PTCD3: variants seen among roughly 807,000 people sequenced by gnomAD.
PTCD3 encodes pentatricopeptide repeat domain 3.
PTCD3 carries 89 observed loss-of-function variants against 101.9 expected under a neutral mutation model. The ratio of observed to expected loss-of-function variants is 0.87; its 90% CI spans 0.74 to 1.04. PTCD3 has a LOEUF of 1.04. Ranked by LOEUF, PTCD3 falls within the 50% of genes least tolerant of loss-of-function variation. The pLI, the probability that PTCD3 is intolerant of heterozygous loss-of-function variation, is 0.00. For synonymous variants in PTCD3, 296 were observed against 278.5 expected (o/e 1.06, Z -0.63); for missense variants, 870 against 828.2 (o/e 1.05, Z -0.62).
At chr2:86,119,239 A>C (rs1674237304) in intron 7 of PTCD3, 195 bp downstream of exon 7, 1 of 676,914 alleles carries the variant, frequency 1.5e-6, no homozygotes. Context: ...GGCGAAGTAG[A>C]ATTGCAGCTT....
chr2:86,121,052 G>A (rs1277190502), intron 7 of PTCD3, among the ~76,000 whole-genome samples: 1 of 152,178 alleles, frequency 6.6e-6, no homozygotes, highest in African/African-American at 2.4e-5. Context: ...AATTATGCTA[G>A]TATTTCTAGG....
Position 86,116,690 on chromosome 2 carries a change from G to A in PTCD3, c.309+92G>A, listed in dbSNP as rs1470410878. Reference sequence around the variant, plus strand: ...ATTTAGTTGTAATAACCTGGGAAAGGTTTACAAATGCTGAGAAATTGATAG... The same window carrying A: ...ATTTAGTTGTAATAACCTGGGAAAGATTTACAAATGCTGAGAAATTGATAG... On this transcript the variant is annotated intron_variant, in intron 5 of 23. Transcript: ENST00000254630. The A allele has an allele frequency of 3.2e-6, 3 of 945,312 alleles. No homozygotes were observed. The East Asian group carries it at 7.3e-5, about 23-fold the overall frequency. 58.6% of individuals were successfully genotyped at this position (945,312 alleles called of 1,614,324 possible).
intron 1 of PTCD3, 50 bp downstream of exon 1, chr2:86,106,401 T>G (rs1315023580): frequency 1.3e-6 from 2 of 1,556,432 alleles, no homozygotes; most frequent in South Asian, 2.3e-5. Flanking sequence ...GTCACCTTAG[T>G]CCTATGTTTC....
intron 16 of PTCD3, among the ~76,000 whole-genome samples, chr2:86,131,310 C>T (rs745361453): frequency 1.9e-4 from 29 of 151,950 alleles, no homozygotes; most frequent in South Asian, 1.0e-3. Context: ...AGTGGCTCAC[C>T]GCAACCTCTG....
At chr2:86,125,915 G>A (rs1178633740) in intron 12 of PTCD3, 35 bp downstream of exon 12, 15 of 1,407,850 alleles carry the variant, frequency 1.1e-5, no homozygotes, top group African/African-American at 2.8e-5. Context: ...TTTTAATAGG[G>A]CTTAAATACT....
chr2:86,110,274 CGT>C (rs1421471505), intron 3 of PTCD3, among the ~76,000 whole-genome samples: 1 of 152,140 alleles, frequency 6.6e-6, no homozygotes, highest in Non-Finnish European at 1.5e-5. Context: ...GACTTCTAAA[CGT>C]GGATAGAAAA....
At chr2:86,131,195 C>A in intron 16 of PTCD3, 89 bp downstream of exon 16, 1 of 972,934 alleles carries the variant, frequency 1.0e-6, no homozygotes, top group Non-Finnish European at 1.5e-6. Flanking sequence ...CACTTTCTAA[C>A]TCTTCTGTTC....
chr2:86,124,854 C>T (rs887567020), intron 9 of PTCD3, 141 bp from the exon 10 acceptor site: 4 of 1,238,076 alleles, frequency 3.2e-6, no homozygotes, highest in Non-Finnish European at 4.3e-6. Context: ...TGATAATAAC[C>T]ATAATACCCT....
intron 7 of PTCD3, chr2:86,119,246 G>A (rs760405900): frequency 4.6e-6 from 3 of 654,122 alleles, no homozygotes; most frequent in Non-Finnish European, 7.3e-6. Context: ...TAGAATTGCA[G>A]CTTTGTTGGT....
rs895519438 is a variant in PTCD3, at chr2:86,130,943, C to G, written c.1238-135C>G. 8 of 1,396,996 alleles carry G rather than the reference C, an allele frequency of 5.7e-6. No homozygotes were observed. In the East Asian group the frequency reaches 1.3e-4, roughly 22 times the overall value. The allele number at this position is 1,396,996 out of a possible 1,614,324, so 86.5% of individuals were successfully genotyped here. On this transcript the variant is annotated intron_variant, in intron 15 of 23. Transcript: ENST00000254630. Reference sequence around the variant, plus strand: ...AGCCAAAATTGTGGTACATTCCTGCCTCTCTTAAGTTTTTATGTTCTTAGC... The same window carrying G: ...AGCCAAAATTGTGGTACATTCCTGCGTCTCTTAAGTTTTTATGTTCTTAGC...
rs1392661329 is a variant in PTCD3, at chr2:86,137,908, CCTG to C, written c.*356_*358del. ...TGCTGTCCTCGTGCGATTGCCCTCTCCTGCTGCTGGACTTCTGCCTTTGTTGGC... is the reference window on the plus strand; with the variant it reads ...TGCTGTCCTCGTGCGATTGCCCTCTCCTGCTGGACTTCTGCCTTTGTTGGC... On this transcript the variant is annotated 3_prime_UTR_variant, in exon 24 of 24. Transcript: ENST00000254630. The C allele has an allele frequency of 3.0e-5, 7 of 236,998 alleles. No individual in the cohort carries two copies. The highest frequency in any genetic ancestry group is 1.1e-4 in the African/African-American group (5 of 45,162). 14.7% of individuals were successfully genotyped at this position (236,998 alleles called of 1,614,324 possible).
chr2:86,117,097 A>G lies in PTCD3; in HGVS notation c.352A>G (p.Lys118Glu). 2 of 1,495,372 alleles carry G rather than the reference A, an allele frequency of 1.3e-6. No individual in the cohort carries two copies. Among genetic ancestry groups the G allele is most frequent in the Non-Finnish European group, 1.9e-6 (2 of 1,072,072 alleles). The allele number at this position is 1,495,372 out of a possible 1,614,324, so 92.6% of individuals were successfully genotyped here. The change falls in exon 6 of 24, where the codon AAG becomes GAG. Residue 118 changes from lysine to glutamate, a missense_variant. Transcript: ENST00000254630. ...AAAGAAATCCGGGGAGAATGTGGCC[A>G]AGTTTATTATTAATTCATACCCCAA... ...LAKKSGENVA[K>E]FIINSYPKYF...
chr2:86,125,273 A>C (rs966188471), intron 10 of PTCD3, among the ~76,000 whole-genome samples, 182 bp from the exon 11 acceptor site: 2 of 152,168 alleles, frequency 1.3e-5, no homozygotes, highest in Non-Finnish European at 2.9e-5. Context: ...CAGTTGTGAC[A>C]AATAAAAATA....
At chr2:86,132,986 A>AG in intron 17 of PTCD3, 192 bp from the exon 18 acceptor site, 1 of 756,252 alleles carries the variant, frequency 1.3e-6, no homozygotes, top group Non-Finnish European at 2.1e-6. Flanking sequence ...TGACCAGTTG[A>AG]GGGTAGGGTG....
intron 4 of PTCD3, among the ~76,000 whole-genome samples, chr2:86,116,171 T>G (rs1226340060): frequency 3.9e-5 from 6 of 152,230 alleles, no homozygotes; most frequent in African/African-American, 1.4e-4. Flanking sequence ...GCATTTAGGT[T>G]ACATACATAA....
chr2:86,113,750 G>T (rs989630046), intron 4 of PTCD3, among the ~76,000 whole-genome samples: 1 of 152,066 alleles, frequency 6.6e-6, no homozygotes, highest in African/African-American at 2.4e-5. Context: ...GGTGGAGGTT[G>T]CGGTGAGCCA....
chr2:86,133,451 T>G lies in PTCD3; in HGVS notation c.1543+15T>G. On this transcript the variant is annotated intron_variant, in intron 19 of 23. Transcript: ENST00000254630. The stretch of plus-strand genomic sequence containing the variant: ...AATTTGGAAAGGTCAGTTTTACTTT[T>G]TATGTGTCCAGGTGCATCTCACCTC... The G allele has an allele frequency of 1.3e-6, 2 of 1,586,106 alleles. No individual in the cohort carries two copies. The highest frequency in any genetic ancestry group is 1.1e-5 in the South Asian group (1 of 90,434).
chr2:86,136,469 G>C, intron 21 of PTCD3, 52 bp from the exon 22 acceptor site: 3 of 1,522,064 alleles, frequency 2.0e-6, no homozygotes, highest in Non-Finnish European at 1.8e-6. Context: ...TATAGTGTCT[G>C]ATTGCCTTGT....
intron 7 of PTCD3, among the ~76,000 whole-genome samples, chr2:86,121,082 T>C (rs897177719): frequency 6.6e-6 from 1 of 152,236 alleles, no homozygotes; most frequent in Non-Finnish European, 1.5e-5. Flanking sequence ...AGTGAGTATC[T>C]GGATCCAAAT....
Sources: allele counts gnomAD v4.1 joint callset (sites outside exome capture counted in the v4.1 genomes callset), GRCh38; gene constraint gnomAD v4.1.1; transcripts MANE v1.5; gene names NCBI Gene and HGNC (gene_info 2026-07-23, HGNC 2026-07-21).